Variants in ABTB2 observed in about 807,000 individuals in gnomAD.
The protein encoded by ABTB2 is ankyrin repeat and BTB domain containing 2, also known as ankyrin repeat and BTB/POZ domain-containing protein 2.
ABTB2 carries 56 observed loss-of-function variants against 104.1 expected under a neutral mutation model. The ratio of observed to expected loss-of-function variants is 0.54; its 90% CI spans 0.43 to 0.67. ABTB2 has a LOEUF of 0.67. Ranked by LOEUF, ABTB2 falls within the 30% of genes least tolerant of loss-of-function variation. The pLI, the probability that ABTB2 is intolerant of heterozygous loss-of-function variation, is 0.00. For missense variants in ABTB2, 1,279 were observed against 1,407.7 expected (o/e 0.91, Z 1.46); for synonymous variants, 606 against 608.2 (o/e 1.00, Z 0.05).
intron 1 of ABTB2, among the ~76,000 whole-genome samples, chr11:34,272,141 C>A (rs1369468460): frequency 6.6e-6 from 1 of 151,968 alleles, no homozygotes; most frequent in Non-Finnish European, 1.5e-5. Context: ...AATGATAGTA[C>A]CCACATCTTA....
In ABTB2 at chr11:34,151,812, TCCACAGGCCACTGGATGC is replaced by T. The variant is rs1852543924; in HGVS notation, c.*557_*574del. The T allele has an allele frequency of 6.6e-6, 1 of 151,476 alleles. No individual in the cohort carries two copies. The highest frequency in any genetic ancestry group is 2.4e-5 in the African/African-American group (1 of 40,962). The allele number at this position is 151,476 out of a possible 1,614,324, so 9.4% of individuals were successfully genotyped here. ...CAGCAGTCGTGGTGGCAGGGGGGGG[TCCACAGGCCACTGGATGC>T]CCACATTAAGCCTGTCAAACCTTTG... On this transcript the variant is annotated 3_prime_UTR_variant, in exon 17 of 17. Transcript: ENST00000435224.
chr11:34,316,329 G>T (rs1854930216), intron 1 of ABTB2, among the ~76,000 whole-genome samples: 1 of 152,162 alleles, frequency 6.6e-6, no homozygotes, highest in South Asian at 2.1e-4. Flanking sequence ...AGCAAACTGG[G>T]GCTCTCTGGA....
At chr11:34,231,839 G>A (rs1853773388) in intron 1 of ABTB2, among the ~76,000 whole-genome samples, 1 of 151,942 alleles carries the variant, frequency 6.6e-6, no homozygotes, top group South Asian at 2.1e-4. Flanking sequence ...GGACTTCCCC[G>A]CAAAAAACCC....
chr11:34,275,038 A>G (rs1854367868), intron 1 of ABTB2, among the ~76,000 whole-genome samples: 1 of 152,196 alleles, frequency 6.6e-6, no homozygotes, highest in Admixed American at 6.5e-5. Flanking sequence ...CCTGGGCTCC[A>G]GGCTGGCAAA....
Position 34,154,143 on chromosome 11 carries a change from C to T in ABTB2, c.2880+122G>A. 1.4e-6 allele frequency: 1 copy of T among 728,632 alleles called. No individual in the cohort carries two copies. The highest frequency in any genetic ancestry group is 2.8e-5 in the East Asian group (1 of 36,300). 45.1% of individuals were successfully genotyped at this position (728,632 alleles called of 1,614,324 possible). ...TAACCCTCCCTCAGCCTCTACACTGCCCTCAGAAGCAGCCTGGTCACCTGC... is the reference window on the plus strand; with the variant it reads ...TAACCCTCCCTCAGCCTCTACACTGTCCTCAGAAGCAGCCTGGTCACCTGC... On this transcript the variant is annotated intron_variant, in intron 16 of 16. Coordinates refer to ENST00000435224, the MANE Select transcript of ABTB2 (RefSeq NM_145804.3). The surrounding 1 kb of genome is among the most constrained non-coding windows in gnomAD (Gnocchi z 4.9).
In ABTB2 at chr11:34,275,945, G is replaced by T. The variant is rs1303282246; in HGVS notation, c.884-71255C>A. Among the ~76,000 whole-genome samples, 7 of 152,212 alleles carry T rather than the reference G, an allele frequency of 4.6e-5. No homozygotes were observed. In the South Asian group the frequency reaches 1.5e-3, roughly 32 times the overall value. On this transcript the variant is annotated intron_variant, in intron 1 of 16. Coordinates refer to ENST00000435224, the MANE Select transcript of ABTB2 (RefSeq NM_145804.3). Reference sequence around the variant, plus strand: ...TGTCGTCCTGGAAGTCACACAACAGGGCCATTGCTAGACGGTAGAGAGGCT... The same window carrying T: ...TGTCGTCCTGGAAGTCACACAACAGTGCCATTGCTAGACGGTAGAGAGGCT...
At chr11:34,200,348 A>G (rs1223282021) in intron 2 of ABTB2, among the ~76,000 whole-genome samples, 2 of 152,214 alleles carry the variant, frequency 1.3e-5, no homozygotes, top group East Asian at 3.8e-4. Flanking sequence ...TCATGTAGAC[A>G]AGAAAATCAA....
intron 1 of ABTB2, among the ~76,000 whole-genome samples, chr11:34,269,565 G>A (rs1854289519): frequency 6.6e-6 from 1 of 152,238 alleles, no homozygotes; most frequent in Admixed American, 6.5e-5. Context: ...CACCTCGTCT[G>A]TTGTAGAGCA....
intron 1 of ABTB2, among the ~76,000 whole-genome samples, chr11:34,313,441 C>A (rs1255946900): frequency 6.6e-6 from 1 of 152,260 alleles, no homozygotes; most frequent in Admixed American, 6.5e-5. Flanking sequence ...ACCCCAGCAG[C>A]AACCTGCACC....
intron 1 of ABTB2, among the ~76,000 whole-genome samples, chr11:34,264,972 C>A (rs1427047515): frequency 6.6e-6 from 1 of 152,208 alleles, no homozygotes; most frequent in Non-Finnish European, 1.5e-5. Flanking sequence ...GCATGGAGGA[C>A]AGGGAAAGGG....
At chr11:34,251,651 C>T (rs1218047234) in intron 1 of ABTB2, among the ~76,000 whole-genome samples, 2 of 152,036 alleles carry the variant, frequency 1.3e-5, no homozygotes, top group Non-Finnish European at 2.9e-5. Flanking sequence ...GACTCCTGAA[C>T]TTTTTTTTAT....
chr11:34,191,739 C>G (rs2473909), intron 3 of ABTB2, among the ~76,000 whole-genome samples: 28,789 of 152,116 alleles, frequency 0.19, 2,923 homozygotes, highest in African/African-American at 0.24. Context: ...AATAGCTGCA[C>G]CAATGGGGGC....
At chr11:34,263,482 G>C (rs1280688296) in intron 1 of ABTB2, among the ~76,000 whole-genome samples, 1 of 152,148 alleles carries the variant, frequency 6.6e-6, no homozygotes, top group Admixed American at 6.5e-5. Context: ...CCTCCCTCAT[G>C]CTTATAAACA....
intron 1 of ABTB2, among the ~76,000 whole-genome samples, chr11:34,257,279 C>T (rs956245650): frequency 6.6e-6 from 1 of 151,666 alleles, no homozygotes; most frequent in Non-Finnish European, 1.5e-5. Flanking sequence ...GAAGATGTGG[C>T]TCTATGGCAG....
At chr11:34,251,117 G>C (rs550088741) in intron 1 of ABTB2, among the ~76,000 whole-genome samples, 1 of 152,294 alleles carries the variant, frequency 6.6e-6, no homozygotes, top group East Asian at 1.9e-4. Flanking sequence ...CTTAATAGGG[G>C]CTGGCCTGGC....
At position 34,170,929 on chromosome 11, in the gene ABTB2, C is replaced by T. The variant is rs772400294; in HGVS notation, c.1540G>A (p.Gly514Arg). ...ACCTGGTCATCCATGGTGTTAACCC[C>T]ATCCGGACCCAAGGCCTCGATGGCT... ...NQAIEALGPD[G>R]VNTMDDQGMT... The change falls in exon 5 of 17, where the codon GGG (glycine) becomes AGG (arginine). Residue 514 changes from glycine to arginine, a missense_variant. Physicochemically the swap from Gly to Arg is moderately radical, Grantham distance 125 (BLOSUM62 -2). Coordinates refer to ENST00000435224, the MANE Select transcript of ABTB2 (RefSeq NM_145804.3). 5 of 1,614,042 alleles carry T rather than the reference C, an allele frequency of 3.1e-6. No individual in the cohort carries two copies. Among genetic ancestry groups the T allele is most frequent in the South Asian group, 1.1e-5 (1 of 91,082 alleles).
intron 1 of ABTB2, among the ~76,000 whole-genome samples, chr11:34,206,512 C>A (rs1240612243): frequency 6.6e-6 from 1 of 152,232 alleles, no homozygotes; most frequent in East Asian, 1.9e-4. Context: ...GGATTCAAAT[C>A]TGGGATGGAC....
chr11:34,153,558 A>G (rs548265118), intron 16 of ABTB2, among the ~76,000 whole-genome samples: 11 of 152,276 alleles, frequency 7.2e-5, no homozygotes, highest in Middle Eastern at 3.4e-3. Flanking sequence ...GGTTCTTGCC[A>G]TGTTTCACAG....
At chr11:34,291,242 A>T (rs1854562696) in intron 1 of ABTB2, among the ~76,000 whole-genome samples, 1 of 152,242 alleles carries the variant, frequency 6.6e-6, no homozygotes, top group South Asian at 2.1e-4. Context: ...TTGGATCAGA[A>T]TCAGCTTTGA....
Sources: allele counts gnomAD v4.1 joint callset (sites outside exome capture counted in the v4.1 genomes callset), GRCh38; gene constraint gnomAD v4.1.1; non-coding constraint Gnocchi (gnomAD v3.1); transcripts MANE v1.5; gene names NCBI Gene and HGNC (gene_info 2026-07-23, HGNC 2026-07-21).